Variants in MCF2L observed in about 807,000 individuals in gnomAD.
MCF2L encodes guanine nucleotide exchange factor DBS.
MCF2L carries 97 observed loss-of-function variants against 153.4 expected under a neutral mutation model. The observed-to-expected ratio is 0.63, with a 90% CI of 0.54 to 0.75. The LOEUF (loss-of-function observed/expected upper bound fraction) is 0.75. MCF2L is among the 30% of genes least tolerant of loss of function. The pLI, the probability that MCF2L is intolerant of heterozygous loss-of-function variation, is 0.00. For missense variants in MCF2L, 1,347 were observed against 1,495.2 expected, an observed-to-expected ratio of 0.90 and a Z score of 1.64; for synonymous variants, 659 against 632.2, an observed-to-expected ratio of 1.04 and a Z score of -0.64.
chr13:113,075,021 C>T lies in MCF2L; in HGVS notation c.1140C>T (p.Ala380=). 6.2e-7 allele frequency: 1 copy of T among 1,608,250 alleles called. No individual in the cohort carries two copies. Among genetic ancestry groups the T allele is most frequent in the Non-Finnish European group, 8.5e-7 (1 of 1,175,864 alleles). Residue 380 remains alanine (A), a synonymous_variant, in exon 11 of 30, where the codon GCC becomes GCT. Coordinates refer to ENST00000535094, the MANE Select transcript of MCF2L (RefSeq NM_001112732.3). ...AGGTGGCCGTGGAGAGGGCCCGGGC[C>T]CTGTCTCTGGACGGCGAGCAGCTCA... The part of the protein sequence containing the change: ...KSGVAVERAR[A]LSLDGEQLIG...
chr13:113,066,506 G>C (rs551978191), intron 8 of MCF2L, among the ~76,000 whole-genome samples: 1 of 152,208 alleles, frequency 6.6e-6, no homozygotes. Flanking sequence ...CATTCCAAGC[G>C]GGGCTTCCAC....
Position 113,096,811 on chromosome 13 carries a change from C to A in MCF2L, c.3330C>A (p.Ser1110=). 1 of 1,547,224 alleles carries A rather than the reference C, an allele frequency of 6.5e-7. No homozygotes were observed. The highest frequency in any genetic ancestry group is 8.6e-7 in the Non-Finnish European group (1 of 1,157,164). ...GGTCGGCCGTGCTGAGCAACTCGTCCAGCTGCAGCGAGGGCGGCCAGGCCC... is the reference window on the plus strand; with the variant it reads ...GGTCGGCCGTGCTGAGCAACTCGTCAAGCTGCAGCGAGGGCGGCCAGGCCC... ...SPGSAVLSNS[S]SCSEGGQAPF... Residue 1110 remains serine (S), a synonymous_variant, in exon 30 of 30, where the codon TCC becomes TCA. Coordinates refer to ENST00000535094, the MANE Select transcript of MCF2L (RefSeq NM_001112732.3).
chr13:112,947,447 C>T (rs1419486863), intron 2 of MCF2L, among the ~76,000 whole-genome samples: 3 of 152,294 alleles, frequency 2.0e-5, no homozygotes, highest in Non-Finnish European at 2.9e-5. Context: ...GATGCAAGTT[C>T]CTCTCCAACC....
chr13:112,933,212 A>G (rs61961641), intron 2 of MCF2L, among the ~76,000 whole-genome samples: 6,700 of 152,212 alleles, frequency 0.044, 240 homozygotes, highest in South Asian at 0.12. Flanking sequence ...GTCTGATCCA[A>G]TGGGACTTTC....
chr13:112,946,056 C>CT (rs1272052887), intron 2 of MCF2L, among the ~76,000 whole-genome samples: 1 of 152,102 alleles, frequency 6.6e-6, no homozygotes, highest in Non-Finnish European at 1.5e-5. Flanking sequence ...GAATATTTGT[C>CT]TTTGAAATTT....
intron 20 of MCF2L, among the ~76,000 whole-genome samples, chr13:113,085,422 G>T (rs1387253339): frequency 1.3e-5 from 2 of 152,188 alleles, no homozygotes; most frequent in Non-Finnish European, 2.9e-5. Context: ...AGCCCACATG[G>T]GATTCTGTGT....
intron 1 of MCF2L, among the ~76,000 whole-genome samples, chr13:112,989,129 G>T (rs2082787784): frequency 1.1e-5 from 1 of 94,812 alleles, no homozygotes; most frequent in African/African-American, 4.1e-5. Flanking sequence ...CTGAGCAGGG[G>T]ATGGAGCTAC....
At chr13:112,901,910 GGTT>G (rs942663772) in intron 1 of MCF2L, among the ~76,000 whole-genome samples, 3 of 152,196 alleles carry the variant, frequency 2.0e-5, no homozygotes, top group Non-Finnish European at 2.9e-5. Context: ...GGAAAACCTC[GGTT>G]GTTGTTGTTT....
At chr13:113,033,944 G>A (rs1229097005) in intron 3 of MCF2L, 9 of 164,808 alleles carry the variant, frequency 5.5e-5, no homozygotes, top group Admixed American at 4.7e-4. Flanking sequence ...TCCTTCCTCC[G>A]GGTTCTGCAC....
chr13:113,038,626 C>T (rs1373509864), intron 3 of MCF2L, among the ~76,000 whole-genome samples: 1 of 152,088 alleles, frequency 6.6e-6, no homozygotes, highest in African/African-American at 2.4e-5. Context: ...GCAGGTTTTT[C>T]TTTATTTAGG....
rs2034606928 is a variant in MCF2L at position 113,086,023 on chromosome 13, G to A, written c.2248-101G>A. 1.5e-5 allele frequency: 19 copies of A among 1,295,114 alleles called. 1 individual carries two copies. The South Asian group carries it at 2.8e-4, about 19-fold the overall frequency. The allele number at this position is 1,295,114 out of a possible 1,614,324, so 80.2% of individuals were successfully genotyped here. A position where few individuals can be genotyped will look rare whatever the true frequency, so the allele number is the denominator to read the frequency against. ...AGCTCCCCACAGACCAGGGGAGGGTGAGCAGCATCCCTACCTCGTGCCAAG... is the reference window on the plus strand; with the variant it reads ...AGCTCCCCACAGACCAGGGGAGGGTAAGCAGCATCCCTACCTCGTGCCAAG... On this transcript the variant is annotated intron_variant, in intron 20 of 29. Transcript: ENST00000535094.
intron 1 of MCF2L, among the ~76,000 whole-genome samples, chr13:112,988,848 C>CAGGGGATGGAGCTA (rs1186094358): frequency 6.6e-5 from 6 of 91,260 alleles, no homozygotes; most frequent in Admixed American, 2.9e-4. Flanking sequence ...AGCTACCACG[C>CAGGGGATGGAGCTA]CCAAGTCCTC....
At position 113,077,224 on chromosome 13, in the gene MCF2L, G is replaced by T. The variant is rs757293054; in HGVS notation, c.1660+13G>T. ...TGCCCCTCCCCAGGTCTGTGTGGCC[G>T]CCCGGTGCCCCGGGTGCTGTGGGAC... On this transcript the variant is annotated intron_variant, in intron 13 of 29. Transcript: ENST00000535094. 4 of 1,537,024 alleles carry T rather than the reference G, an allele frequency of 2.6e-6. No individual in the cohort carries two copies. Among genetic ancestry groups the T allele is most frequent in the African/African-American group, 2.7e-5 (2 of 72,854 alleles).
At chr13:113,010,715 A>C (rs572858368) in intron 1 of MCF2L, among the ~76,000 whole-genome samples, 1 of 151,742 alleles carries the variant, frequency 6.6e-6, no homozygotes, top group African/African-American at 2.4e-5. Context: ...CCCCTCTCAG[A>C]CCTGCCTCTG....
chr13:112,973,859 G>A (rs1162472445), intron 1 of MCF2L, among the ~76,000 whole-genome samples: 2 of 152,168 alleles, frequency 1.3e-5, no homozygotes, highest in African/African-American at 2.4e-5. Flanking sequence ...GGATGCCTGC[G>A]AGGTGTGTTC....
intron 4 of MCF2L, among the ~76,000 whole-genome samples, chr13:113,056,751 GTGGGTGCTGTGTGTT>G (rs2029918854): frequency 7.5e-6 from 1 of 132,990 alleles, no homozygotes. Context: ...TCGGCGCTGA[GTGGGTGCTGTGTGTT>G]TGGGTGCTGA....
chr13:113,033,172 C>A (rs2085852765), intron 3 of MCF2L, among the ~76,000 whole-genome samples: 2 of 146,398 alleles, frequency 1.4e-5, no homozygotes, highest in African/African-American at 2.6e-5. Context: ...CGTGAGTGGC[C>A]CCCATGACGT....
chr13:112,903,426 G>C (rs550405017), intron 2 of MCF2L, among the ~76,000 whole-genome samples: 1 of 152,132 alleles, frequency 6.6e-6, no homozygotes, highest in African/African-American at 2.4e-5. Flanking sequence ...CTCCTGTTTC[G>C]TGTCTTCAGG....
chr13:112,894,439 CGGGGCGGGGGCCTGGAGGG>C (rs2081045558), intron 1 of MCF2L: 1 of 150,846 alleles, frequency 6.6e-6, no homozygotes, highest in Non-Finnish European at 1.5e-5. Flanking sequence ...CAGGTGCGCG[CGGGGCGGGGGCCTGGAGGG>C]GGCGCGGGGG....
Sources: gnomAD v4.1 joint callset for allele counts (sites outside exome capture counted in the v4.1 genomes callset) on GRCh38, gnomAD v4.1.1 for gene constraint, MANE v1.5 for transcripts, NCBI Gene and HGNC (gene_info 2026-07-23, HGNC 2026-07-21) for gene names.